The following ABCC12 variants were observed in gnomAD, a reference collection of about 807,000 sequenced individuals.
The protein encoded by ABCC12 is ATP-binding cassette sub-family C member 12.
In ABCC12, 142 loss-of-function variants were observed where a neutral mutation model predicts 151.1. The ratio of observed to expected loss-of-function variants is 0.94; its 90% CI spans 0.82 to 1.08. The LOEUF is 1.08. ABCC12 is among the 50% of genes least tolerant of loss of function. The probability of loss-of-function intolerance (pLI) is 0.00; values close to 1 mark genes in which losing one functional copy is unlikely to be tolerated. For synonymous variants in ABCC12, 645 were observed against 646.4 expected, an observed-to-expected ratio of 1.00 and a Z score of 0.03; for missense variants, 1,638 against 1,691.1, an observed-to-expected ratio of 0.97 and a Z score of 0.55.
At chr16:48,135,733 C>T (rs1964587154) in intron 8 of ABCC12, among the ~76,000 whole-genome samples, 3 of 152,124 alleles carry the variant, frequency 2.0e-5, no homozygotes, top group Non-Finnish European at 4.4e-5. Flanking sequence ...AGAAATAAAA[C>T]ACATGTGCTG....
At chr16:48,098,168 G>T (rs1239037976) in intron 23 of ABCC12, among the ~76,000 whole-genome samples, 1 of 151,596 alleles carries the variant, frequency 6.6e-6, no homozygotes, top group African/African-American at 2.4e-5. Flanking sequence ...AAGCCTCTGG[G>T]GGAAAGAGAC....
intron 2 of ABCC12, among the ~76,000 whole-genome samples, chr16:48,152,049 G>A (rs117060478): frequency 0.02 from 3,030 of 152,300 alleles, 43 homozygotes; most frequent in Non-Finnish European, 0.032. Flanking sequence ...GGTAAGAGTC[G>A]AGACAAGGCT....
At chr16:48,138,034 G>T (rs1312935518) in intron 8 of ABCC12, among the ~76,000 whole-genome samples, 194 bp downstream of exon 8, 1 of 152,112 alleles carries the variant, frequency 6.6e-6, no homozygotes. Flanking sequence ...CTCACCCCTG[G>T]GTTCACCAGA....
chr16:48,111,034 T>G (rs1963667687), intron 18 of ABCC12, among the ~76,000 whole-genome samples: 2 of 152,258 alleles, frequency 1.3e-5, no homozygotes, highest in Admixed American at 6.5e-5. Context: ...AAGCTCCGTG[T>G]CTGCCTTTGC....
chr16:48,129,660 T>A (rs1357906106), intron 10 of ABCC12, among the ~76,000 whole-genome samples: 1 of 152,136 alleles, frequency 6.6e-6, no homozygotes, highest in African/African-American at 2.4e-5. Context: ...ACAGCTCTCT[T>A]GGGGTTGAGT....
rs1160107916 is a variant in ABCC12, at chr16:48,144,036, C to T, written c.149G>A (p.Gly50Glu). 4 of 1,614,028 alleles carry T rather than the reference C, an allele frequency of 2.5e-6. No homozygotes were observed. The highest frequency in any genetic ancestry group is 3.4e-6 in the Non-Finnish European group (4 of 1,179,972). The part of the protein sequence containing the change: ...RLAPNPVDDA[G>E]LLSFATFSWL... The stretch of plus-strand genomic sequence containing the variant: ...GGAAAATGTGGCGAAGGAGAGTAGC[C>T]CGGCATCATCCACCGGGTTGGGTGC... Residue 50 changes from glycine (G) to glutamate (E), a missense_variant, in exon 4 of 31, where the codon GGG becomes GAG. By Grantham distance (98) the Gly-to-Glu change is moderately conservative. Transcript: ENST00000311303.
chr16:48,129,210 CA>C (rs1388479940), intron 10 of ABCC12, among the ~76,000 whole-genome samples: 1 of 152,222 alleles, frequency 6.6e-6, no homozygotes, highest in African/African-American at 2.4e-5. Flanking sequence ...ATAAATAAGA[CA>C]CAGTTCCTGT....
chr16:48,094,674 A>G (rs1028163187), intron 24 of ABCC12, among the ~76,000 whole-genome samples: 1 of 152,220 alleles, frequency 6.6e-6, no homozygotes, highest in Non-Finnish European at 1.5e-5. Flanking sequence ...CTCTAAAGAA[A>G]TTGAATTAAC....
rs371007165 is a variant in ABCC12 at position 48,115,404 on chromosome 16, T to C, written c.1989+11A>G. 5 of 1,613,478 alleles carry C rather than the reference T, an allele frequency of 3.1e-6. No individual in the cohort carries two copies. The highest frequency in any genetic ancestry group is 1.3e-5 in the African/African-American group (1 of 75,040). ...ATCCCGTGACCTCCTGGATCCTGCATGTCCCATCACCTGTAGCTGGTGGGT... is the reference window on the plus strand; with the variant it reads ...ATCCCGTGACCTCCTGGATCCTGCACGTCCCATCACCTGTAGCTGGTGGGT... On this transcript the variant is annotated intron_variant, in intron 15 of 30. Transcript: ENST00000311303.
chr16:48,084,208 T>C (rs762974239), intron 29 of ABCC12, 135 bp from the exon 30 acceptor site: 34 of 900,984 alleles, frequency 3.8e-5, no homozygotes, highest in Non-Finnish European at 5.2e-5. Flanking sequence ...TAAACATCCA[T>C]CTCAAAAAAG....
At chr16:48,136,843 G>T (rs1316286796) in intron 8 of ABCC12, among the ~76,000 whole-genome samples, 3 of 152,118 alleles carry the variant, frequency 2.0e-5, no homozygotes, top group African/African-American at 7.2e-5. Flanking sequence ...ACAAACTAAG[G>T]CAGACACCGC....
At position 48,117,282 on chromosome 16, in the gene ABCC12, G is replaced by T. The variant is rs892903470; in HGVS notation, c.1764C>A (p.Leu588=). ...VCGLQKDLSN[L]PYGDLTEIGE... ...TCACCTCAGTCAGGTCTCCATAGGG[G>T]AGGTTGCTCAGGTCCTTCTGGAGGC... Residue 588 remains leucine (L), a synonymous_variant, in exon 14 of 31, where the codon CTC becomes CTA. Transcript: ENST00000311303. 6.2e-6 allele frequency: 10 copies of T among 1,613,732 alleles called. No homozygotes were observed. Among genetic ancestry groups the T allele is most frequent in the Middle Eastern group, 1.6e-4 (1 of 6,080 alleles).
chr16:48,143,465 A>G (rs1567458298), intron 4 of ABCC12, among the ~76,000 whole-genome samples: 1 of 152,228 alleles, frequency 6.6e-6, no homozygotes. Context: ...GCACACAACT[A>G]GGGAGCACAC....
At position 48,140,793 on chromosome 16, in the gene ABCC12, C is replaced by T. The variant is rs763797025; in HGVS notation, c.551G>A (p.Trp184Ter). 1.9e-6 allele frequency: 3 copies of T among 1,614,150 alleles called. No individual in the cohort carries two copies. The highest frequency in any genetic ancestry group is 2.5e-6 in the Non-Finnish European group (3 of 1,180,032). ...FTKVFFWALA[W>*]AINYRTAIRL... ...GATGGCCGTGCGGTAGTTGATGGCCCAGGCAAGGGCCCAAAAGAAGACTTT... is the reference window on the plus strand; with the variant it reads ...GATGGCCGTGCGGTAGTTGATGGCCTAGGCAAGGGCCCAAAAGAAGACTTT... The change falls in exon 6 of 31, where the codon TGG becomes TAG. Residue 184 changes from tryptophan (W) to a stop codon, truncating the protein, a stop_gained. Coordinates refer to ENST00000311303, the MANE Select transcript of ABCC12 (RefSeq NM_001393797.1). LOFTEE classifies it high-confidence loss of function.
chr16:48,105,327 C>A lies in ABCC12; in HGVS notation c.2485G>T (p.Gly829Trp). 1 of 1,608,834 alleles carries A rather than the reference C, an allele frequency of 6.2e-7. No homozygotes were observed. The highest frequency in any genetic ancestry group is 8.5e-7 in the Non-Finnish European group (1 of 1,178,006). ...WLDKGSRMTCGPQGNRTMCEV... is the reference protein window; with the variant it reads ...WLDKGSRMTCWPQGNRTMCEV... ...CACATGGTCCTGTTGCCCTGGGGCC[C>A]ACAGGTCATCTTTGGAGAAAAACAA... The change falls in exon 21 of 31, where the codon GGG becomes TGG. Residue 829 changes from glycine to tryptophan, a missense_variant. Coordinates refer to ENST00000311303, the MANE Select transcript of ABCC12 (RefSeq NM_001393797.1).
At position 48,081,489 on chromosome 16, in the gene ABCC12, G is replaced by T. The variant is rs191837867; in HGVS notation, c.*2226C>A. ...GGGCTTTGTTGTGAAGGGGTTGGGAGCAGGGCCTGTGGAGCCAGACTGGTT... is the reference window on the plus strand; with the variant it reads ...GGGCTTTGTTGTGAAGGGGTTGGGATCAGGGCCTGTGGAGCCAGACTGGTT... On this transcript the variant is annotated 3_prime_UTR_variant, in exon 31 of 31. Transcript: ENST00000311303. Among the ~76,000 whole-genome samples the T allele has an allele frequency of 6.6e-6, 1 of 152,198 alleles. No individual in the cohort carries two copies. Among genetic ancestry groups the T allele is most frequent in the Non-Finnish European group, 1.5e-5 (1 of 68,028 alleles).
chr16:48,148,911 T>A (rs6500330), intron 2 of ABCC12, among the ~76,000 whole-genome samples: 21,998 of 151,840 alleles, frequency 0.14, 2,586 homozygotes, highest in African/African-American at 0.33. Flanking sequence ...TGTGGGCTTC[T>A]TGTTTGTCTT....
intron 29 of ABCC12, 146 bp from the exon 30 acceptor site, chr16:48,084,219 A>C: frequency 1.2e-6 from 1 of 840,858 alleles, no homozygotes; most frequent in Non-Finnish European, 1.8e-6. Context: ...CTCAAAAAAG[A>C]AAATGAGAAG....
At chr16:48,085,049 C>T (rs978101580) in intron 29 of ABCC12, among the ~76,000 whole-genome samples, 1 of 152,076 alleles carries the variant, frequency 6.6e-6, no homozygotes, top group East Asian at 1.9e-4. Context: ...AGATCCACGC[C>T]GGCCCCTCTC....
Sources: allele counts gnomAD v4.1 joint callset (sites outside exome capture counted in the v4.1 genomes callset), GRCh38; gene constraint gnomAD v4.1.1; transcripts MANE v1.5; gene names NCBI Gene and HGNC (gene_info 2026-07-23, HGNC 2026-07-21).